The following GXYLT1 variants were observed in gnomAD, a reference collection of about 807,000 sequenced individuals.
The protein encoded by GXYLT1 is glucoside xylosyltransferase 1.
In GXYLT1, 29 loss-of-function variants were observed where a neutral mutation model predicts 54.0. The observed-to-expected ratio is 0.54, with a 90% CI of 0.40 to 0.73. The LOEUF is 0.73. Ranked by LOEUF, GXYLT1 falls within the 30% of genes least tolerant of loss-of-function variation. The pLI is 0.00. For missense variants in GXYLT1, 490 were observed against 553.4 expected, an observed-to-expected ratio of 0.89 and a Z score of 1.15; for synonymous variants, 176 against 204.1, an observed-to-expected ratio of 0.86 and a Z score of 1.17.
Position 42,137,050 on chromosome 12 carries a change from G to T in GXYLT1, c.222-7199C>A, listed in dbSNP as rs145816991. Among the ~76,000 whole-genome samples the T allele has an allele frequency of 2.4e-3, 365 of 152,186 alleles. 1 individual carries two copies. Among genetic ancestry groups the T allele is most frequent in the Non-Finnish European group, 3.7e-3 (254 of 68,000 alleles). ...GCCTCCCTGCTAGGATTACAGGTAC[G>T]AGCCACCATGCCTGGTTGTACTTTT... is the stretch of plus-strand genomic sequence containing the variant. On this transcript the variant is annotated intron_variant, in intron 1 of 7. Transcript: ENST00000398675.
intron 3 of GXYLT1, 125 bp from the exon 4 acceptor site, chr12:42,109,816 T>A: frequency 1.7e-6 from 1 of 576,926 alleles, no homozygotes; most frequent in Non-Finnish European, 2.9e-6. Flanking sequence ...GCTGTAAAAT[T>A]AAAGGAAAGA....
At chr12:42,116,427 A>G (rs2065495356) in intron 3 of GXYLT1, among the ~76,000 whole-genome samples, 1 of 152,172 alleles carries the variant, frequency 6.6e-6, no homozygotes, top group Non-Finnish European at 1.5e-5. Flanking sequence ...CTCAAAACAA[A>G]TTTACAAGAA....
intron 1 of GXYLT1, among the ~76,000 whole-genome samples, chr12:42,137,529 G>A (rs553695874): frequency 7.7e-5 from 11 of 142,394 alleles, no homozygotes; most frequent in African/African-American, 2.8e-4. Context: ...AAAAAAAGCG[G>A]ATCACAAGGT....
At chr12:42,112,343 C>T (rs2065463113) in intron 3 of GXYLT1, among the ~76,000 whole-genome samples, 1 of 152,070 alleles carries the variant, frequency 6.6e-6, no homozygotes, top group African/African-American at 2.4e-5. Flanking sequence ...CAAACTACTC[C>T]AAGCTACAGG....
Position 42,097,958 on chromosome 12 carries a change from T to A in GXYLT1, c.940A>T (p.Thr314Ser), listed in dbSNP as rs1407537037. 3.0e-5 allele frequency: 48 copies of A among 1,603,474 alleles called. No individual in the cohort carries two copies. The Admixed American group carries it at 8.0e-4, about 27-fold the overall frequency. The change falls in exon 6 of 8, where the codon ACA (threonine) becomes TCA (serine). Residue 314 changes from threonine (T) to serine (S), a missense_variant. Physicochemically the swap from Thr to Ser is moderately conservative, Grantham distance 58 (BLOSUM62 1). Transcript: ENST00000398675. ...TTCAATAGATCTTGATCACCCCATGTGATGTTTAGTTTGTATTTTTTAAGC... is the reference window on the plus strand; with the variant it reads ...TTCAATAGATCTTGATCACCCCATGAGATGTTTAGTTTGTATTTTTTAAGC... ...PLLKKYKLNI[T>S]WGDQDLLNIV...
intron 1 of GXYLT1, among the ~76,000 whole-genome samples, chr12:42,140,197 A>AAAGGGG (rs2065643747): frequency 9.6e-5 from 3 of 31,296 alleles, no homozygotes; most frequent in African/African-American, 1.4e-4. Context: ...AAAAAAAAAA[A>AAAGGGG]GGCGGGGGGG....
chr12:42,095,558 T>C (rs1043750728), intron 7 of GXYLT1, among the ~76,000 whole-genome samples: 2 of 152,144 alleles, frequency 1.3e-5, no homozygotes, highest in Non-Finnish European at 2.9e-5. Context: ...TACATACATC[T>C]GCTCATCTTA....
chr12:42,131,092 GTCTT>G (rs898784429), intron 1 of GXYLT1, among the ~76,000 whole-genome samples: 1 of 152,136 alleles, frequency 6.6e-6, no homozygotes, highest in Non-Finnish European at 1.5e-5. Flanking sequence ...ATCAAGTCTG[GTCTT>G]TCTTGTTAGG....
intron 4 of GXYLT1, 43 bp downstream of exon 4, chr12:42,109,523 T>TAAAAAA (rs201861073): frequency 6.2e-6 from 7 of 1,131,738 alleles, no homozygotes; most frequent in Non-Finnish European, 4.5e-6. Context: ...GGTTCAAATT[T>TAAAAAA]AAAAAAAAAA....
chr12:42,113,820 A>G (rs2065474805), intron 3 of GXYLT1, among the ~76,000 whole-genome samples: 1 of 151,202 alleles, frequency 6.6e-6, no homozygotes, highest in East Asian at 1.9e-4. Flanking sequence ...AATCAACAGA[A>G]TATACATTCT....
At chr12:42,144,348 C>T in intron 1 of GXYLT1, 78 bp downstream of exon 1, 2 of 932,022 alleles carry the variant, frequency 2.1e-6, no homozygotes, top group Non-Finnish European at 1.4e-6. Flanking sequence ...CACCCACCGG[C>T]GAGCAGCCCG....
At chr12:42,095,426 T>C (rs966697988) in intron 7 of GXYLT1, among the ~76,000 whole-genome samples, 5 of 151,648 alleles carry the variant, frequency 3.3e-5, no homozygotes, top group Non-Finnish European at 5.9e-5. Flanking sequence ...TAAAGTACCA[T>C]ACAGTTTAAA....
rs569525627 is a variant in GXYLT1 at position 42,113,017 on chromosome 12, T to C, written c.487-3326A>G. ...AAAGTATTTTCAACCCGGAATTTCA[T>C]ATCCAGCCAAACTAAGCTTCATAAC... On this transcript the variant is annotated intron_variant, in intron 3 of 7. Coordinates refer to ENST00000398675, the MANE Select transcript of GXYLT1 (RefSeq NM_173601.2). Among the ~76,000 whole-genome samples the C allele has an allele frequency of 2.2e-3, 340 of 151,294 alleles. 4 individuals are homozygous for C. The highest frequency in any genetic ancestry group is 3.6e-3 in the Non-Finnish European group (247 of 68,024).
chr12:42,122,844 T>C (rs1467486822), intron 2 of GXYLT1, among the ~76,000 whole-genome samples: 1 of 152,154 alleles, frequency 6.6e-6, no homozygotes, highest in East Asian at 1.9e-4. Flanking sequence ...ACTGTTACAG[T>C]GTAGAAATGC....
intron 1 of GXYLT1, among the ~76,000 whole-genome samples, chr12:42,136,753 T>TACATACATACATACATACAC (rs1555143141): frequency 5.5e-5 from 8 of 146,766 alleles, no homozygotes. Context: ...AGGTTTTTTA[T>TACATACATACATACATACAC]ACATACATAC....
chr12:42,122,630 TTAAA>T (rs1472002376), intron 2 of GXYLT1, among the ~76,000 whole-genome samples: 1 of 151,878 alleles, frequency 6.6e-6, no homozygotes, highest in Non-Finnish European at 1.5e-5. Context: ...AAAAATGATA[TTAAA>T]TAAAGGGGTA....
chr12:42,113,525 G>A (rs1261569943), intron 3 of GXYLT1, among the ~76,000 whole-genome samples: 4 of 151,110 alleles, frequency 2.6e-5, no homozygotes. Context: ...AAGATCAGAA[G>A]AGACAAAGAA....
In GXYLT1 at chr12:42,112,311, T is replaced by C. The variant is rs547807576; in HGVS notation, c.487-2620A>G. Among the ~76,000 whole-genome samples the C allele has an allele frequency of 1.9e-4, 29 of 152,112 alleles. No homozygotes were observed. In the East Asian group the frequency reaches 4.8e-3, roughly 25 times the overall value. The stretch of plus-strand genomic sequence containing the variant: ...CTAGATGGAGAATGACTTTGACAAG[T>C]TGAGAGAAGGCTTCAGAAGATCAAA... On this transcript the variant is annotated intron_variant, in intron 3 of 7. Transcript: ENST00000398675.
intron 2 of GXYLT1, among the ~76,000 whole-genome samples, chr12:42,122,135 AGAG>A (rs2065535062): frequency 6.6e-6 from 1 of 152,212 alleles, no homozygotes; most frequent in Non-Finnish European, 1.5e-5. Context: ...ATGTAATAGA[AGAG>A]GAGATTTTAA....
Sources: allele counts gnomAD v4.1 joint callset (sites outside exome capture counted in the v4.1 genomes callset), GRCh38; gene constraint gnomAD v4.1.1; transcripts MANE v1.5; gene names NCBI Gene and HGNC (gene_info 2026-07-23, HGNC 2026-07-21).